KIRREL1: variants seen among roughly 807,000 people sequenced by gnomAD.
KIRREL1 encodes kirre like nephrin family adhesion molecule 1.
A neutral mutation model predicts 83.3 loss-of-function variants in KIRREL1; 25 were observed. The observed-to-expected ratio is 0.30, with a 90% CI of 0.22 to 0.42. KIRREL1 has a LOEUF of 0.42. Among genes scored for constraint, KIRREL1 ranks in the 10% least tolerant of loss-of-function variants. The pLI is 1.00. For synonymous variants in KIRREL1, 388 were observed against 410.4 expected, an observed-to-expected ratio of 0.95 and a Z score of 0.66; for missense variants, 812 against 1,032.3, an observed-to-expected ratio of 0.79 and a Z score of 2.92.
At chr1:158,023,754 A>G (rs1660071679) in intron 1 of KIRREL1, among the ~76,000 whole-genome samples, 1 of 152,190 alleles carries the variant, frequency 6.6e-6, no homozygotes, top group Non-Finnish European at 1.5e-5. Context: ...GATCTCTTCC[A>G]GCTTTAAGAT....
chr1:158,069,635 A>T (rs17420551), intron 1 of KIRREL1, among the ~76,000 whole-genome samples: 34,241 of 151,892 alleles, frequency 0.23, 4,222 homozygotes, highest in Non-Finnish European at 0.27. Flanking sequence ...CTGGTTTTGC[A>T]CAGTGACCTG....
chr1:158,079,164 C>A (rs1049011392), intron 3 of KIRREL1, among the ~76,000 whole-genome samples: 15 of 152,236 alleles, frequency 9.9e-5, no homozygotes, highest in Admixed American at 2.6e-4. Flanking sequence ...TTTCTGCCTC[C>A]ATTTGATATG....
intron 1 of KIRREL1, among the ~76,000 whole-genome samples, chr1:158,020,718 G>A (rs1055178357): frequency 2.0e-5 from 3 of 150,810 alleles, no homozygotes; most frequent in African/African-American, 7.3e-5. Flanking sequence ...TTCTCTTCCA[G>A]CTCAGCTCCT....
At chr1:158,074,078 T>C (rs1487183776) in intron 1 of KIRREL1, among the ~76,000 whole-genome samples, 1 of 152,130 alleles carries the variant, frequency 6.6e-6, no homozygotes, top group Non-Finnish European at 1.5e-5. Context: ...TGAATAATAA[T>C]GAGGACAATG....
intron 1 of KIRREL1, among the ~76,000 whole-genome samples, chr1:157,994,546 G>A (rs1659138200): frequency 6.6e-6 from 1 of 151,866 alleles, no homozygotes. Context: ...GGATGTCAGT[G>A]TATCCTGGGC....
chr1:158,028,696 A>G (rs1240102293), intron 1 of KIRREL1, among the ~76,000 whole-genome samples: 1 of 152,206 alleles, frequency 6.6e-6, no homozygotes, highest in Non-Finnish European at 1.5e-5. Context: ...TGAAAACTAC[A>G]TAGCACTTCT....
rs535287082 is a variant in KIRREL1, at chr1:158,093,432, G to A, written c.1565G>A (p.Arg522Gln). Residue 522 changes from arginine to glutamine, a missense_variant, in exon 12 of 15, where the codon CGG becomes CAG. Arg to Gln is a conservative substitution (Grantham distance 43, BLOSUM62 1). Coordinates refer to ENST00000359209, the MANE Select transcript of KIRREL1 (RefSeq NM_018240.7). Reference sequence around the variant, plus strand: ...ATCGCCTTGGTATTCTTCCTCTACCGGCGCCGCAAAGGCAGTGAGTATGGG... The same window carrying A: ...ATCGCCTTGGTATTCTTCCTCTACCAGCGCCGCAAAGGCAGTGAGTATGGG... ...FFIALVFFLY[R>Q]RRKGSRKDVT... The A allele has an allele frequency of 1.5e-5, 24 of 1,614,002 alleles. No individual in the cohort carries two copies. The highest frequency in any genetic ancestry group is 4.5e-5 in the East Asian group (2 of 44,890).
At position 158,076,161 on chromosome 1, in the gene KIRREL1, C is replaced by T. The variant is rs762552084; in HGVS notation, c.101C>T (p.Ala34Val). The T allele has an allele frequency of 6.2e-7, 1 of 1,614,154 alleles. No individual in the cohort carries two copies. The highest frequency in any genetic ancestry group is 2.2e-5 in the East Asian group (1 of 44,858). ...GAGCCAGCTGACCAGACGGTGGTGG[C>T]TGGACAGCGGGCCGTGCTCCCCTGT... ...SQEPADQTVV[A>V]GQRAVLPCVL... The change falls in exon 2 of 15, where the codon GCT (alanine) becomes GTT (valine). Residue 34 changes from alanine to valine, a missense_variant. Ala to Val is a moderately conservative substitution (Grantham distance 64). Coordinates refer to ENST00000359209, the MANE Select transcript of KIRREL1 (RefSeq NM_018240.7).
At chr1:158,041,085 A>G (rs1305112710) in intron 1 of KIRREL1, among the ~76,000 whole-genome samples, 1 of 152,220 alleles carries the variant, frequency 6.6e-6, no homozygotes, top group Non-Finnish European at 1.5e-5. Context: ...ATTATGTGCC[A>G]GGCACTCCAC....
intron 3 of KIRREL1, 138 bp from the exon 4 acceptor site, chr1:158,084,284 T>C (rs942385019): frequency 2.0e-5 from 14 of 716,900 alleles, no homozygotes; most frequent in South Asian, 8.4e-5. Context: ...ACAGTGGTTG[T>C]AGATTAGGGG....
Position 158,025,548 on chromosome 1 carries a change from GGAA to G in KIRREL1, c.52+31825_52+31827del, listed in dbSNP as rs543018737. On this transcript the variant is annotated intron_variant, in intron 1 of 14. Coordinates refer to ENST00000359209, the MANE Select transcript of KIRREL1 (RefSeq NM_018240.7). Reference sequence around the variant, plus strand: ...GGCCAAAAAATGGTCTAGAGAGGAAGGAAGAAGGAAAAGTCCAGAAGGAAAAAC... The same window carrying G: ...GGCCAAAAAATGGTCTAGAGAGGAAGGAAGGAAAAGTCCAGAAGGAAAAAC... 2.6e-5 allele frequency: 4 copies of G among 151,934 alleles called. No individual in the cohort carries two copies. In the East Asian group the frequency reaches 5.8e-4, roughly 22 times the overall value. The allele number at this position is 151,934 out of a possible 1,614,324, so 9.4% of individuals were successfully genotyped here.
At position 158,088,473 on chromosome 1, in the gene KIRREL1, G is replaced by C. The variant is rs374356388; in HGVS notation, c.1044+19G>C. 2.6e-5 allele frequency: 19 copies of C among 728,154 alleles called. No individual in the cohort carries two copies. Among genetic ancestry groups the C allele is most frequent in the Non-Finnish European group, 3.5e-5 (17 of 488,818 alleles). 45.1% of individuals were successfully genotyped at this position (728,154 alleles called of 1,614,324 possible). ...AAATATGGTAAGACTCTTACTGCCT[G>C]TTCTTTTTTTTTTTTTTTTTTTTTT... On this transcript the variant is annotated intron_variant, in intron 8 of 14. Transcript: ENST00000359209.
At chr1:158,092,673 C>T (rs1662238986) in intron 11 of KIRREL1, among the ~76,000 whole-genome samples, 1 of 152,054 alleles carries the variant, frequency 6.6e-6, no homozygotes, top group African/African-American at 2.4e-5. Context: ...ACTAAGGATG[C>T]CAGCAAGGGG....
chr1:158,079,695 G>A (rs570309799), intron 3 of KIRREL1, among the ~76,000 whole-genome samples: 29 of 152,356 alleles, frequency 1.9e-4, no homozygotes, highest in African/African-American at 6.5e-4. Context: ...TGGAAAGAGA[G>A]AGTCCTAGAC....
intron 1 of KIRREL1, among the ~76,000 whole-genome samples, chr1:158,049,175 G>C (rs763168007): frequency 7.9e-5 from 12 of 152,226 alleles, no homozygotes; most frequent in Non-Finnish European, 1.3e-4. Flanking sequence ...TGTAAGTTGA[G>C]TGTTTACTAG....
At chr1:158,066,955 CT>C (rs1280360413) in intron 1 of KIRREL1, among the ~76,000 whole-genome samples, 1 of 152,218 alleles carries the variant, frequency 6.6e-6, no homozygotes, top group African/African-American at 2.4e-5. Context: ...TCCCACCTGT[CT>C]GTCATACCTG....
chr1:158,063,320 ACATCAATTAAGATATTCATTCAACAAG>A (rs1191242541), intron 1 of KIRREL1, among the ~76,000 whole-genome samples: 7 of 152,200 alleles, frequency 4.6e-5, no homozygotes, highest in Non-Finnish European at 7.3e-5. Context: ...CATTCAACAA[ACATCAATTAAGATATTCATTCAACAAG>A]CATCTATTAA....
intron 1 of KIRREL1, among the ~76,000 whole-genome samples, chr1:158,023,935 T>C (rs551797977): frequency 6.6e-6 from 1 of 151,978 alleles, no homozygotes; most frequent in African/African-American, 2.4e-5. Flanking sequence ...AGACACAGGG[T>C]TTTTATTGTT....
chr1:157,996,239 T>G (rs1446670563), intron 1 of KIRREL1, among the ~76,000 whole-genome samples: 1 of 152,154 alleles, frequency 6.6e-6, no homozygotes, highest in Non-Finnish European at 1.5e-5. Flanking sequence ...TAAATAATTT[T>G]CTGTATCTTA....
Sources: allele counts gnomAD v4.1 joint callset (sites outside exome capture counted in the v4.1 genomes callset), GRCh38; gene constraint gnomAD v4.1.1; transcripts MANE v1.5; gene names NCBI Gene and HGNC (gene_info 2026-07-23, HGNC 2026-07-21).